The following OTOF variants were observed in gnomAD, a reference collection of about 807,000 sequenced individuals.
OTOF encodes the protein fer-1-like family member 2.
A neutral mutation model predicts 236.8 loss-of-function variants in OTOF; 218 were observed. That is an observed-to-expected ratio of 0.92 (90% CI 0.82 to 1.03). OTOF has a LOEUF of 1.03. OTOF is among the 50% of genes least tolerant of loss of function. The pLI is 0.00. For missense variants in OTOF, 2,590 were observed against 2,694.4 expected, an observed-to-expected ratio of 0.96 and a Z score of 0.86; for synonymous variants, 1,041 against 1,072.5, an observed-to-expected ratio of 0.97 and a Z score of 0.57.
chr2:26,502,401 T>C lies in OTOF; in HGVS notation c.609A>G (p.Glu203=). The change falls in exon 7 of 47, where the codon GAA becomes GAG. Residue 203 remains glutamate, a synonymous_variant. Coordinates refer to ENST00000272371, the MANE Select transcript of OTOF (RefSeq NM_194248.3). Reference sequence around the variant, plus strand: ...GCCGAATGGCCAGATGGTCAAGGTCTTCCATCTCCAGCACCGCCGGTTCAT... The same window carrying C: ...GCCGAATGGCCAGATGGTCAAGGTCCTCCATCTCCAGCACCGCCGGTTCAT... ...RPDEPAVLEM[E]DLDHLAIRLG... The C allele has an allele frequency of 6.2e-7, 1 of 1,613,678 alleles. No individual in the cohort carries two copies. Among genetic ancestry groups the C allele is most frequent in the Non-Finnish European group, 8.5e-7 (1 of 1,179,838 alleles).
rs1664413728 is a variant in OTOF, at chr2:26,460,620, G to A, written c.5813+27C>T. 6.4e-7 allele frequency: 1 copy of A among 1,573,100 alleles called. No homozygotes were observed. The highest frequency in any genetic ancestry group is 1.1e-5 in the South Asian group (1 of 90,104). ...CAGCGCCTCCAAGAGCCAGAGTGGG[G>A]AGGGGCTGGGCCGGCAGGGCACTCA... On this transcript the variant is annotated intron_variant, in intron 45 of 46. Coordinates refer to ENST00000272371, the MANE Select transcript of OTOF (RefSeq NM_194248.3). The surrounding 1 kb of genome is among the most constrained non-coding windows in gnomAD (Gnocchi z 5.3).
In OTOF at chr2:26,475,375, T is replaced by A; in HGVS notation, c.3110A>T (p.Tyr1037Phe). 6.2e-7 allele frequency: 1 copy of A among 1,613,060 alleles called. No individual in the cohort carries two copies. The highest frequency in any genetic ancestry group is 1.1e-5 in the South Asian group (1 of 91,086). Residue 1037 changes from tyrosine (Y) to phenylalanine (F), a missense_variant, in exon 25 of 47, where the codon TAT (tyrosine) becomes TTT (phenylalanine). Around this residue, in one of 2 missense-constraint regions of OTOF, gnomAD observed 1,211 missense variants for 1,352.8 expected, o/e 0.90. Transcript: ENST00000272371. ...CACCCATACCATGGAATCCTGGTCA[T>A]AGATTTCAATGACAATGATGGGCGG... Reference protein sequence around the residue: ...DDPPIIVIEIYDQDSMGKADF... With the variant: ...DDPPIIVIEIFDQDSMGKADF...
At chr2:26,531,881 G>T (rs1438183303) in intron 2 of OTOF, among the ~76,000 whole-genome samples, 1 of 152,052 alleles carries the variant, frequency 6.6e-6, no homozygotes, top group Non-Finnish European at 1.5e-5. Context: ...ATGATTTGAG[G>T]TTAGGAGTTT....
At chr2:26,466,642 G>A in intron 36 of OTOF, 72 bp downstream of exon 36, 3 of 1,572,374 alleles carry the variant, frequency 1.9e-6, no homozygotes, top group Admixed American at 1.7e-5. Context: ...TGGCCAGTAT[G>A]CAGCTTCTTT....
At chr2:26,554,198 C>G (rs1221073988) in intron 1 of OTOF, among the ~76,000 whole-genome samples, 1 of 149,360 alleles carries the variant, frequency 6.7e-6, no homozygotes, top group Non-Finnish European at 1.5e-5. Flanking sequence ...ATCGTTAGGC[C>G]CCTCTGGAGC....
At chr2:26,505,869 A>T (rs1418458206) in intron 5 of OTOF, among the ~76,000 whole-genome samples, 1 of 152,192 alleles carries the variant, frequency 6.6e-6, no homozygotes, top group African/African-American at 2.4e-5. Context: ...CATCTGTGGA[A>T]TCTCACAGAT....
rs542115615 is a variant in OTOF at position 26,469,369 on chromosome 2, T to A, written c.4024-895A>T. On this transcript the variant is annotated intron_variant, in intron 32 of 46. Transcript: ENST00000272371. Reference sequence around the variant, plus strand: ...AGCTCCAGCCTGGCCAACTTGATGGTGGGAGACGAGACTACCAGTTGTCCT... The same window carrying A: ...AGCTCCAGCCTGGCCAACTTGATGGAGGGAGACGAGACTACCAGTTGTCCT... Among the ~76,000 whole-genome samples the A allele has an allele frequency of 2.0e-5, 3 of 152,338 alleles. No individual in the cohort carries two copies. In the East Asian group the frequency reaches 5.8e-4, roughly 29 times the overall value.
intron 5 of OTOF, 29 bp downstream of exon 5, chr2:26,516,389 T>C (rs1454758162): frequency 1.2e-6 from 2 of 1,604,638 alleles, no homozygotes; most frequent in Admixed American, 1.7e-5. Flanking sequence ...TTGGGAGCAG[T>C]GGGCAGCCAG....
chr2:26,466,101 G>A (rs745671332), intron 36 of OTOF, 25 bp from the exon 37 acceptor site: 18 of 1,613,888 alleles, frequency 1.1e-5, no homozygotes, highest in Non-Finnish European at 1.5e-5. Flanking sequence ...AGGGCTGCCT[G>A]AGCAGGCTCC....
chr2:26,472,988 G>T, intron 29 of OTOF, 144 bp downstream of exon 29: 1 of 899,760 alleles, frequency 1.1e-6, no homozygotes, highest in Non-Finnish European at 1.7e-6. Flanking sequence ...AGCCTTCCTT[G>T]GCCACCAGGG....
intron 38 of OTOF, 49 bp downstream of exon 38, chr2:26,465,623 A>C (rs921494672): frequency 6.4e-7 from 1 of 1,572,340 alleles, no homozygotes; most frequent in African/African-American, 1.3e-5. Flanking sequence ...TTTAGAGTGG[A>C]GGCAAAGCAG....
intron 3 of OTOF, among the ~76,000 whole-genome samples, chr2:26,527,320 A>G (rs752229356): frequency 2.0e-4 from 31 of 152,230 alleles, no homozygotes; most frequent in Non-Finnish European, 3.1e-4. Flanking sequence ...GCACATTGAA[A>G]TCAGAGAGGT....
intron 1 of OTOF, among the ~76,000 whole-genome samples, chr2:26,546,113 A>G (rs1055864645): frequency 2.0e-5 from 3 of 152,220 alleles, no homozygotes; most frequent in Admixed American, 6.5e-5. Context: ...TATGTACTGT[A>G]CTTTTACAAT....
chr2:26,490,229 C>T (rs537807920), intron 9 of OTOF, among the ~76,000 whole-genome samples: 4 of 152,332 alleles, frequency 2.6e-5, no homozygotes, highest in Admixed American at 6.5e-5. Flanking sequence ...TCTAAAGTGG[C>T]TACTGGCTGT....
intron 15 of OTOF, 100 bp from the exon 16 acceptor site, chr2:26,480,411 G>A: frequency 1.3e-6 from 1 of 788,898 alleles, no homozygotes; most frequent in Non-Finnish European, 2.2e-6. Context: ...GGGGGTGGAT[G>A]GTGGGGGCAT....
intron 24 of OTOF, 83 bp from the exon 25 acceptor site, chr2:26,475,576 G>A: frequency 6.8e-7 from 1 of 1,472,812 alleles, no homozygotes; most frequent in East Asian, 2.3e-5. Context: ...TACTCACTCA[G>A]CTTCCACGGA....
In OTOF at chr2:26,457,865, C is replaced by T. The variant is rs371065270; in HGVS notation, c.*373G>A. 21 of 667,882 alleles carry T rather than the reference C, an allele frequency of 3.1e-5. No homozygotes were observed. The highest frequency in any genetic ancestry group is 2.9e-4 in the East Asian group (11 of 38,120). 41.4% of individuals were successfully genotyped at this position (667,882 alleles called of 1,614,324 possible). ...GTCAGAGGGGCGGGACTGGGCAAGC[C>T]GCAGCCTGGGGCAGTGAGGACAGGC... On this transcript the variant is annotated 3_prime_UTR_variant, in exon 47 of 47. Transcript: ENST00000272371. This position sits in a 1 kb window ranked among gnomAD's most constrained non-coding sequence, Gnocchi z 4.4.
chr2:26,530,258 C>T (rs927480862), intron 2 of OTOF, among the ~76,000 whole-genome samples: 1 of 151,738 alleles, frequency 6.6e-6, no homozygotes, highest in African/African-American at 2.4e-5. Flanking sequence ...GAGGCTGAGG[C>T]TAAGGGACCT....
chr2:26,484,359 G>A lies in OTOF; in HGVS notation c.1205+115C>T, dbSNP rs1665648268. 3 of 1,126,006 alleles carry A rather than the reference G, an allele frequency of 2.7e-6. No homozygotes were observed. In the South Asian group the frequency reaches 3.9e-5, roughly 15 times the overall value. 69.8% of individuals were successfully genotyped at this position (1,126,006 alleles called of 1,614,324 possible). ...AGTGGGGCTGCTTGGGAGAGTGAGCGAGAGCAGGGTGAGGGAGACGGGTGG... is the reference window on the plus strand; with the variant it reads ...AGTGGGGCTGCTTGGGAGAGTGAGCAAGAGCAGGGTGAGGGAGACGGGTGG... On this transcript the variant is annotated intron_variant, in intron 12 of 46. Transcript: ENST00000272371.
Sources: allele counts gnomAD v4.1 joint callset (sites outside exome capture counted in the v4.1 genomes callset), GRCh38; gene constraint gnomAD v4.1.1; regional missense constraint gnomAD v4.1.1; non-coding constraint Gnocchi (gnomAD v3.1); transcripts MANE v1.5; gene names NCBI Gene and HGNC (gene_info 2026-07-23, HGNC 2026-07-21).